DNAJA3: variants seen among roughly 807,000 people sequenced by gnomAD.
DNAJA3 encodes the protein dnaJ homolog subfamily A member 3, mitochondrial.
In DNAJA3, 29 loss-of-function variants were observed where a neutral mutation model predicts 54.9. The ratio of observed to expected loss-of-function variants is 0.53; its 90% CI spans 0.39 to 0.72. DNAJA3 has a LOEUF of 0.72. Ranked by LOEUF, DNAJA3 falls within the 30% of genes least tolerant of loss-of-function variation. The pLI, the probability that DNAJA3 is intolerant of heterozygous loss-of-function variation, is 0.00. For synonymous variants in DNAJA3, 302 were observed against 251.4 expected (o/e 1.20, Z -1.90); for missense variants, 708 against 639.4 (o/e 1.11, Z -1.16).
Position 4,443,288 on chromosome 16 carries a change from T to G in DNAJA3, c.931+124T>G, listed in dbSNP as rs2056860279. On this transcript the variant is annotated intron_variant, in intron 6 of 11. Transcript: ENST00000262375. ...GCACTGAGTGTGAGTGGGCTCTTGG[T>G]AGAAGTTATGGTTGAGGCCCTGGAG... 10 of 1,268,644 alleles carry G rather than the reference T, an allele frequency of 7.9e-6. No homozygotes were observed. The Admixed American group carries it at 2.5e-4, about 32-fold the overall frequency. The allele number at this position is 1,268,644 out of a possible 1,614,324, so 78.6% of individuals were successfully genotyped here. A position where few individuals can be genotyped will look rare whatever the true frequency, so the allele number is the denominator to read the frequency against.
At chr16:4,450,635 G>T in intron 10 of DNAJA3, 138 bp downstream of exon 10, 3 of 657,972 alleles carry the variant, frequency 4.6e-6, no homozygotes, top group Non-Finnish European at 7.5e-6. Flanking sequence ...GAAAGAGGGG[G>T]GCTGTGGGCG....
At chr16:4,452,309 G>A (rs1364520358) in intron 10 of DNAJA3, among the ~76,000 whole-genome samples, 1 of 152,054 alleles carries the variant, frequency 6.6e-6, no homozygotes, top group Non-Finnish European at 1.5e-5. Flanking sequence ...ATGCGAGATT[G>A]GTTCCATAGA....
Position 4,454,720 on chromosome 16 carries a change from C to T in DNAJA3, c.1340-91C>T, listed in dbSNP as rs1369239407. ...TTGGCCGCTTCTTGAACGTGGGCCC[C>T]TGGGTGGCCAGGCGGGGGTAGGTGG... On this transcript the variant is annotated intron_variant, in intron 10 of 11. Transcript: ENST00000262375. 3 of 928,562 alleles carry T rather than the reference C, an allele frequency of 3.2e-6. No homozygotes were observed. In the Admixed American group the frequency reaches 6.9e-5, roughly 21 times the overall value. The allele number at this position is 928,562 out of a possible 1,614,324, so 57.5% of individuals were successfully genotyped here.
At chr16:4,428,581 G>C (rs1185848171) in intron 1 of DNAJA3, among the ~76,000 whole-genome samples, 2 of 152,318 alleles carry the variant, frequency 1.3e-5, no homozygotes, top group Admixed American at 1.3e-4. Flanking sequence ...GAGAGAAACA[G>C]GCACTAAACA....
chr16:4,442,520 G>C, intron 5 of DNAJA3, 100 bp downstream of exon 5: 1 of 1,353,226 alleles, frequency 7.4e-7, no homozygotes, highest in Non-Finnish European at 9.8e-7. Flanking sequence ...TGGGAATTGG[G>C]GGAGTTGGTG....
chr16:4,447,602 G>A lies in DNAJA3; in HGVS notation c.1125+588G>A, dbSNP rs149216689. ...TGGGGGCTATTCCCTGGCTTCTCCA[G>A]GGTCCTGTGGTTCCAAGGGCCAGGG... On this transcript the variant is annotated intron_variant, in intron 8 of 11. Coordinates refer to ENST00000262375, the MANE Select transcript of DNAJA3 (RefSeq NM_005147.6). The A allele has an allele frequency of 8.5e-4, 130 of 153,032 alleles. No homozygotes were observed. In the Middle Eastern group the frequency reaches 0.014, roughly 16 times the overall value. The allele number at this position is 153,032 out of a possible 1,614,324, so 9.5% of individuals were successfully genotyped here.
At chr16:4,452,843 C>A (rs2056993208) in intron 10 of DNAJA3, among the ~76,000 whole-genome samples, 1 of 152,146 alleles carries the variant, frequency 6.6e-6, no homozygotes, top group African/African-American at 2.4e-5. Context: ...CCTTAGTACT[C>A]AAGGCTGCGG....
At chr16:4,445,127 C>G (rs185163353) in intron 7 of DNAJA3, among the ~76,000 whole-genome samples, 13 of 152,280 alleles carry the variant, frequency 8.5e-5, no homozygotes, top group Admixed American at 7.2e-4. Flanking sequence ...GGCAATTGCC[C>G]TCCTATGTGT....
At chr16:4,426,921 TTTC>T (rs2056631256) in intron 1 of DNAJA3, 2 of 152,172 alleles carry the variant, frequency 1.3e-5, no homozygotes, top group African/African-American at 4.8e-5. Flanking sequence ...TTTCTTTTCT[TTTC>T]TTTTTTTTTT....
chr16:4,434,988 C>G (rs1252426881), intron 2 of DNAJA3, among the ~76,000 whole-genome samples: 1 of 149,696 alleles, frequency 6.7e-6, no homozygotes, highest in Non-Finnish European at 1.5e-5. Flanking sequence ...CCTCTGCCTC[C>G]TGGGTTCAAG....
intron 8 of DNAJA3, 23 bp from the exon 9 acceptor site, chr16:4,448,710 C>T (rs984417808): frequency 1.3e-6 from 2 of 1,576,822 alleles, no homozygotes; most frequent in Non-Finnish European, 1.7e-6. Context: ...CCAGGGGAAA[C>T]CACAGATTTT....
At chr16:4,453,428 T>C (rs1370610500) in intron 10 of DNAJA3, among the ~76,000 whole-genome samples, 1 of 151,664 alleles carries the variant, frequency 6.6e-6, no homozygotes, top group Non-Finnish European at 1.5e-5. Context: ...TGGCTCCTTG[T>C]TGTTCTTTTT....
chr16:4,433,494 C>A (rs2056732677), intron 1 of DNAJA3: 1 of 152,152 alleles, frequency 6.6e-6, no homozygotes, highest in Admixed American at 6.6e-5. Context: ...GTGGAGACCT[C>A]CTGAGTTTCT....
intron 1 of DNAJA3, among the ~76,000 whole-genome samples, chr16:4,427,597 C>T (rs1388229038): frequency 6.6e-6 from 1 of 152,162 alleles, no homozygotes; most frequent in Non-Finnish European, 1.5e-5. Context: ...TGTATGCCAG[C>T]CACTGTTCTG....
At chr16:4,446,213 G>A (rs1298266640) in intron 7 of DNAJA3, among the ~76,000 whole-genome samples, 2 of 151,142 alleles carry the variant, frequency 1.3e-5, no homozygotes, top group Non-Finnish European at 1.5e-5. Flanking sequence ...GAGCCACCAC[G>A]GCTGGCCTAT....
rs374544683 is a variant in DNAJA3, at chr16:4,434,339, T to C, written c.212-45T>C. The C allele has an allele frequency of 5.6e-6, 9 of 1,599,856 alleles. No homozygotes were observed. The African/African-American group carries it at 9.4e-5, about 17-fold the overall frequency. On this transcript the variant is annotated intron_variant, in intron 1 of 11. Transcript: ENST00000262375. ...GTCATGTACTCACAGTTTTCTTTTG[T>C]TGAGAACATTCCCAGAGTGATTTTC...
intron 2 of DNAJA3, 123 bp downstream of exon 2, chr16:4,434,640 AG>A: frequency 8.4e-7 from 1 of 1,189,616 alleles, no homozygotes; most frequent in East Asian, 2.5e-5. Context: ...ATAGTATAGA[AG>A]GGTGTGATAA....
chr16:4,442,900 C>T, intron 5 of DNAJA3, 117 bp from the exon 6 acceptor site: 1 of 1,162,668 alleles, frequency 8.6e-7, no homozygotes, highest in Non-Finnish European at 1.2e-6. Context: ...TGTTTGAGTG[C>T]ACATGCACAT....
At chr16:4,432,553 G>A (rs1303967996) in intron 1 of DNAJA3, among the ~76,000 whole-genome samples, 1 of 151,528 alleles carries the variant, frequency 6.6e-6, no homozygotes, top group Non-Finnish European at 1.5e-5. Flanking sequence ...TGTTGGTCAG[G>A]CTGGTCTCTA....
Sources: gnomAD v4.1 joint callset for allele counts (sites outside exome capture counted in the v4.1 genomes callset) on GRCh38, gnomAD v4.1.1 for gene constraint, MANE v1.5 for transcripts, NCBI Gene and HGNC (gene_info 2026-07-23, HGNC 2026-07-21) for gene names.